HTR7: variants seen among roughly 807,000 people sequenced by gnomAD.
The protein encoded by HTR7 is 5-HT-7.
In HTR7, 16 loss-of-function variants were observed where a neutral mutation model predicts 34.0. The observed-to-expected ratio is 0.47, with a 90% CI of 0.32 to 0.71. HTR7 has a LOEUF of 0.71. HTR7 is among the 30% of genes least tolerant of loss of function. The pLI, the probability that HTR7 is intolerant of heterozygous loss-of-function variation, is 0.04. For missense variants in HTR7, 504 were observed against 625.5 expected, an observed-to-expected ratio of 0.81 and a Z score of 2.07; for synonymous variants, 265 against 260.2, an observed-to-expected ratio of 1.02 and a Z score of -0.18.
intron 1 of HTR7, among the ~76,000 whole-genome samples, chr10:90,800,940 G>A (rs1434063170): frequency 6.6e-6 from 1 of 152,182 alleles, no homozygotes; most frequent in Non-Finnish European, 1.5e-5. Flanking sequence ...TCAGGGAAGA[G>A]ATCAGCCCCT....
chr10:90,817,957 A>G (rs1589464817), intron 1 of HTR7, among the ~76,000 whole-genome samples: 1 of 152,246 alleles, frequency 6.6e-6, no homozygotes, highest in East Asian at 1.9e-4. Flanking sequence ...AAGAAGATAT[A>G]CACAAAAGAA....
intron 1 of HTR7, among the ~76,000 whole-genome samples, chr10:90,856,401 A>T (rs1366034085): frequency 6.6e-6 from 1 of 152,180 alleles, no homozygotes; most frequent in Non-Finnish European, 1.5e-5. Flanking sequence ...TATGACACCC[A>T]AGGCAGGAAT....
chr10:90,795,319 G>C (rs1042811456), intron 1 of HTR7, among the ~76,000 whole-genome samples: 4 of 152,064 alleles, frequency 2.6e-5, no homozygotes, highest in African/African-American at 9.7e-5. Flanking sequence ...AACAAGATAG[G>C]AAACTATAAC....
chr10:90,824,402 T>C (rs1276580997), intron 1 of HTR7, among the ~76,000 whole-genome samples: 1 of 152,234 alleles, frequency 6.6e-6, no homozygotes, highest in African/African-American at 2.4e-5. Flanking sequence ...GAGCCTTGGA[T>C]GAGACTCTGA....
intron 1 of HTR7, among the ~76,000 whole-genome samples, chr10:90,833,798 T>G (rs1345412135): frequency 6.6e-6 from 1 of 152,224 alleles, no homozygotes; most frequent in Admixed American, 6.5e-5. Flanking sequence ...AGATTGTTCA[T>G]TTTGAAAATA....
At chr10:90,751,021 G>A (rs576741065) in intron 1 of HTR7, among the ~76,000 whole-genome samples, 1 of 152,278 alleles carries the variant, frequency 6.6e-6, no homozygotes, top group South Asian at 2.1e-4. Context: ...AAAACCTGAG[G>A]CCATGGTAAT....
chr10:90,772,821 G>T (rs1007237932), intron 1 of HTR7, among the ~76,000 whole-genome samples: 1 of 152,046 alleles, frequency 6.6e-6, no homozygotes, highest in Admixed American at 6.6e-5. Flanking sequence ...CCAGGGTCTG[G>T]GATAAAAGTT....
At chr10:90,835,571 T>A (rs2120069588) in intron 1 of HTR7, among the ~76,000 whole-genome samples, 1 of 152,322 alleles carries the variant, frequency 6.6e-6, no homozygotes, top group Non-Finnish European at 1.5e-5. Context: ...GTTTTCTTGT[T>A]TCATTCATTC....
intron 1 of HTR7, among the ~76,000 whole-genome samples, chr10:90,855,309 T>C (rs1258302647): frequency 6.6e-6 from 1 of 152,244 alleles, no homozygotes; most frequent in Non-Finnish European, 1.5e-5. Flanking sequence ...ACATGCACGC[T>C]GAGTGGAGAA....
intron 1 of HTR7, among the ~76,000 whole-genome samples, chr10:90,764,692 T>G (rs1050671533): frequency 6.6e-6 from 1 of 152,150 alleles, no homozygotes; most frequent in Non-Finnish European, 1.5e-5. Flanking sequence ...TGGCTAGGAC[T>G]TCCAGCACTA....
intron 1 of HTR7, among the ~76,000 whole-genome samples, chr10:90,855,329 C>T (rs1243874038): frequency 6.6e-6 from 1 of 152,164 alleles, no homozygotes; most frequent in South Asian, 2.1e-4. Context: ...ATGCCTTTAG[C>T]TCATGTATAG....
chr10:90,820,901 T>C (rs762237809), intron 1 of HTR7, among the ~76,000 whole-genome samples: 2 of 152,214 alleles, frequency 1.3e-5, no homozygotes, highest in Non-Finnish European at 2.9e-5. Flanking sequence ...ATATACATTT[T>C]TAAAAACTTA....
intron 1 of HTR7, among the ~76,000 whole-genome samples, chr10:90,845,587 T>C (rs912749242): frequency 9.9e-5 from 15 of 152,210 alleles, no homozygotes; most frequent in African/African-American, 1.2e-4. Context: ...TGAGATACCA[T>C]GTGTCAAGTG....
chr10:90,779,742 T>C (rs1845275641), intron 1 of HTR7, among the ~76,000 whole-genome samples: 1 of 152,184 alleles, frequency 6.6e-6, no homozygotes, highest in African/African-American at 2.4e-5. Context: ...TCTCCTCACA[T>C]TGCATAACCT....
chr10:90,770,622 G>A (rs1487162018), intron 1 of HTR7, among the ~76,000 whole-genome samples: 1 of 152,192 alleles, frequency 6.6e-6, no homozygotes, highest in Non-Finnish European at 1.5e-5. Flanking sequence ...AGCCAGGTGT[G>A]CTCACACTCA....
chr10:90,760,776 G>C (rs916488786), intron 1 of HTR7, among the ~76,000 whole-genome samples: 3 of 152,184 alleles, frequency 2.0e-5, no homozygotes, highest in Admixed American at 2.0e-4. Flanking sequence ...AGCTACTTGG[G>C]AGGCTGAGGA....
intron 1 of HTR7, among the ~76,000 whole-genome samples, chr10:90,799,349 G>C (rs1053904385): frequency 1.4e-5 from 1 of 73,464 alleles, no homozygotes; most frequent in Non-Finnish European, 2.9e-5. Context: ...ATGAATGAAT[G>C]AATGAATGAA....
At chr10:90,832,376 G>A (rs943867900) in intron 1 of HTR7, among the ~76,000 whole-genome samples, 5 of 152,222 alleles carry the variant, frequency 3.3e-5, no homozygotes, top group Non-Finnish European at 7.4e-5. Context: ...AGGTGGGCCA[G>A]CACTGCTGGG....
chr10:90,827,815 G>A (rs1044632670), intron 1 of HTR7, among the ~76,000 whole-genome samples: 2 of 152,138 alleles, frequency 1.3e-5, no homozygotes, highest in African/African-American at 2.4e-5. Flanking sequence ...GCATTGGACA[G>A]ATCACCCAGA....
Sources: gnomAD v4.1 joint callset for allele counts (sites outside exome capture counted in the v4.1 genomes callset) on GRCh38, gnomAD v4.1.1 for gene constraint, MANE v1.5 for transcripts, NCBI Gene and HGNC (gene_info 2026-07-23, HGNC 2026-07-21) for gene names.